Variants in TTC27 observed in about 807,000 individuals in gnomAD.
The protein encoded by TTC27 is tetratricopeptide repeat domain 27.
A neutral mutation model predicts 115.9 loss-of-function variants in TTC27; 79 were observed. The ratio of observed to expected loss-of-function variants is 0.68; its 90% confidence interval spans 0.57 to 0.82. The LOEUF (loss-of-function observed/expected upper bound fraction) is 0.82, where lower values mean the gene tolerates loss of function less well. TTC27 is among the 40% of genes least tolerant of loss of function. The probability of loss-of-function intolerance (pLI) is 0.00; values close to 1 mark genes in which losing one functional copy is unlikely to be tolerated. For synonymous variants in TTC27, 401 were observed against 356.0 expected (o/e 1.13, Z -1.42); for missense variants, 1,054 against 993.1 (o/e 1.06, Z -0.82).
At chr2:32,767,192 C>T (rs1434010200) in intron 13 of TTC27, among the ~76,000 whole-genome samples, 9 of 152,228 alleles carry the variant, frequency 5.9e-5, no homozygotes, top group African/African-American at 2.2e-4. Context: ...AATACCATTG[C>T]ACTTAAAACA....
intron 5 of TTC27, among the ~76,000 whole-genome samples, chr2:32,663,057 A>G (rs1255288283): frequency 1.3e-5 from 2 of 152,196 alleles, no homozygotes; most frequent in East Asian, 3.8e-4. Context: ...CAGGTTGACC[A>G]GACTGCTGTG....
At chr2:32,696,194 G>A (rs969087363) in intron 9 of TTC27, among the ~76,000 whole-genome samples, 2 of 151,764 alleles carry the variant, frequency 1.3e-5, no homozygotes, top group Non-Finnish European at 1.5e-5. Flanking sequence ...AAGTTCATCT[G>A]TGTTGTGTAT....
intron 12 of TTC27, among the ~76,000 whole-genome samples, chr2:32,738,718 A>T (rs1053460317): frequency 6.6e-6 from 1 of 152,268 alleles, no homozygotes; most frequent in African/African-American, 2.4e-5. Context: ...GAACCAAATT[A>T]GAGAAATGAA....
chr2:32,737,987 G>A (rs1157795581), intron 12 of TTC27, among the ~76,000 whole-genome samples: 1 of 152,138 alleles, frequency 6.6e-6, no homozygotes, highest in Non-Finnish European at 1.5e-5. Flanking sequence ...CCGCACTGCA[G>A]CCTAGACGAC....
chr2:32,631,344 T>C (rs1664203558), intron 2 of TTC27, among the ~76,000 whole-genome samples: 1 of 152,166 alleles, frequency 6.6e-6, no homozygotes, highest in Non-Finnish European at 1.5e-5. Context: ...TCAATCTTGT[T>C]ATTTCTGCAT....
In TTC27 at chr2:32,758,515, T is replaced by C. The variant is rs760172677; in HGVS notation, c.1676T>C (p.Met559Thr). 1 of 1,614,054 alleles carries C rather than the reference T, an allele frequency of 6.2e-7. No individual in the cohort carries two copies. Among genetic ancestry groups the C allele is most frequent in the Admixed American group, 1.7e-5 (1 of 60,020 alleles). ...GAACGCTCGGTTAAGATTAATCCCA[T>C]GCAGGTTAGACAACTCATAACCCCC... is the stretch of plus-strand genomic sequence containing the variant. ...CFERSVKINP[M>T]QLGVWFSLGC... The change falls in exon 13 of 20, where the codon ATG (methionine) becomes ACG (threonine). Residue 559 changes from methionine to threonine, a missense_variant. Coordinates refer to ENST00000317907, the MANE Select transcript of TTC27 (RefSeq NM_017735.5).
chr2:32,745,663 G>A (rs542676320), intron 12 of TTC27, among the ~76,000 whole-genome samples: 161 of 151,238 alleles, frequency 1.1e-3, no homozygotes, highest in African/African-American at 3.8e-3. Flanking sequence ...GCCTAACTCA[G>A]TATTTTGAAA....
chr2:32,813,417 C>T (rs899933781), intron 18 of TTC27, among the ~76,000 whole-genome samples: 2 of 152,212 alleles, frequency 1.3e-5, no homozygotes, highest in Non-Finnish European at 2.9e-5. Context: ...GAGACCTAAG[C>T]TCCAGGACCA....
In TTC27 at chr2:32,729,212, G is replaced by A. The variant is rs77588444; in HGVS notation, c.1234-4616G>A. Reference sequence around the variant, plus strand: ...GGACTATCTCTATTCTTTTGAAAACGTGTGCCATACTTTTAGATGAGAACA... The same window carrying A: ...GGACTATCTCTATTCTTTTGAAAACATGTGCCATACTTTTAGATGAGAACA... On this transcript the variant is annotated intron_variant, in intron 10 of 19. Coordinates refer to ENST00000317907, the MANE Select transcript of TTC27 (RefSeq NM_017735.5). Among the ~76,000 whole-genome samples, 72 of 152,294 alleles carry A rather than the reference G, an allele frequency of 4.7e-4. 1 individual carries two copies. Among genetic ancestry groups the A allele is most frequent in the East Asian group, 3.7e-3 (19 of 5,186 alleles).
chr2:32,726,992 G>C (rs1359860162), intron 10 of TTC27, among the ~76,000 whole-genome samples: 2 of 152,102 alleles, frequency 1.3e-5, no homozygotes, highest in Admixed American at 1.3e-4. Context: ...ACAGTCACGA[G>C]AACAGCACAG....
At chr2:32,746,022 C>T (rs1668813276) in intron 12 of TTC27, among the ~76,000 whole-genome samples, 1 of 151,204 alleles carries the variant, frequency 6.6e-6, no homozygotes, top group African/African-American at 2.4e-5. Flanking sequence ...ATAGTCATTG[C>T]CAAAAAAAAG....
chr2:32,715,572 G>A (rs1202255537), intron 10 of TTC27, among the ~76,000 whole-genome samples: 2 of 152,096 alleles, frequency 1.3e-5, no homozygotes, highest in Non-Finnish European at 2.9e-5. Context: ...TTGAAGGAGT[G>A]GGGATTTTTA....
chr2:32,637,202 C>T (rs1403928402), intron 3 of TTC27, among the ~76,000 whole-genome samples: 1 of 152,028 alleles, frequency 6.6e-6, no homozygotes, highest in African/African-American at 2.4e-5. Context: ...TTATTTGTTG[C>T]TATGTTAAAT....
At chr2:32,636,346 T>C (rs1664426615) in intron 3 of TTC27, among the ~76,000 whole-genome samples, 1 of 152,180 alleles carries the variant, frequency 6.6e-6, no homozygotes, top group African/African-American at 2.4e-5. Context: ...CCCAAGCAGC[T>C]GGGACTACAG....
intron 15 of TTC27, among the ~76,000 whole-genome samples, chr2:32,784,006 C>T (rs1670265927): frequency 6.6e-6 from 1 of 152,172 alleles, no homozygotes; most frequent in Non-Finnish European, 1.5e-5. Flanking sequence ...TCTATCTGTT[C>T]TACCATTCTC....
intron 10 of TTC27, chr2:32,705,054 G>C (rs1667319516): frequency 2.5e-6 from 1 of 403,924 alleles, no homozygotes; most frequent in Non-Finnish European, 5.2e-6. Context: ...GATTCCCATT[G>C]TTGGAGATGG....
intron 16 of TTC27, among the ~76,000 whole-genome samples, chr2:32,804,766 A>G (rs917527871): frequency 5.9e-5 from 9 of 151,920 alleles, no homozygotes; most frequent in African/African-American, 2.4e-5. Context: ...TAGTATTATA[A>G]TATAAAACTT....
rs750099534 is a variant in TTC27, at chr2:32,758,275, A to T, written c.1453-17A>T. ...TTAATCACTCTTAAGCAATTTCATT[A>T]TTTCTGTTGTTTCTAGGCAGAAGAA... On this transcript the variant is annotated splice_polypyrimidine_tract_variant and intron_variant, in intron 12 of 19. Transcript: ENST00000317907. The T allele has an allele frequency of 3.7e-6, 6 of 1,609,540 alleles. No homozygotes were observed. In the African/African-American group the frequency reaches 8.0e-5, roughly 22 times the overall value.
chr2:32,742,215 C>G (rs1668670607), intron 12 of TTC27, among the ~76,000 whole-genome samples: 1 of 152,168 alleles, frequency 6.6e-6, no homozygotes, highest in Non-Finnish European at 1.5e-5. Flanking sequence ...ACAACTGCCT[C>G]CCATCATGGT....
Sources: gnomAD v4.1 joint callset for allele counts (sites outside exome capture counted in the v4.1 genomes callset) on GRCh38, gnomAD v4.1.1 for gene constraint, MANE v1.5 for transcripts, NCBI Gene and HGNC (gene_info 2026-07-23, HGNC 2026-07-21) for gene names.